The following FLACC1 variants were observed in gnomAD, a reference collection of about 807,000 sequenced individuals.
FLACC1 encodes the protein flagellum associated containing coiled-coil domains 1, also known as flagellum-associated coiled-coil domain-containing protein 1.
In FLACC1, 66 loss-of-function variants were observed where a neutral mutation model predicts 62.8. That is an observed-to-expected ratio of 1.05 (90% confidence interval 0.86 to 1.29). The LOEUF (loss-of-function observed/expected upper bound fraction) is 1.29, where lower values mean the gene tolerates loss of function less well. FLACC1 is among the 50% of genes most tolerant of loss of function. FLACC1 has a pLI of 0.00. For missense variants in FLACC1, 452 were observed against 489.1 expected, an observed-to-expected ratio of 0.92 and a Z score of 0.71; for synonymous variants, 156 against 161.0, an observed-to-expected ratio of 0.97 and a Z score of 0.24.
In FLACC1 at chr2:201,323,805, T is replaced by TAAA. The variant is rs1576447085; in HGVS notation, c.675+6664_675+6665insTTT. On this transcript the variant is annotated intron_variant, in intron 9 of 14. Coordinates refer to ENST00000392257, the MANE Select transcript of FLACC1 (RefSeq NM_001127391.3). ...CTATCAAAAAAAAAAAAAAAAAAAG[T>TAAA]AAGGAAGGAAGGAAGGAAAGAAAAG... Among the ~76,000 whole-genome samples, 32 of 79,358 alleles carry TAAA rather than the reference T, an allele frequency of 4.0e-4. 2 individuals carry two copies. The highest frequency in any genetic ancestry group is 3.7e-3 in the East Asian group (9 of 2,444). The allele number at this position is 79,358 out of a possible 152,430, so 52.1% of individuals were successfully genotyped here. A position where few individuals can be genotyped will look rare whatever the true frequency, so the allele number is the denominator to read the frequency against.
intron 8 of FLACC1, 29 bp downstream of exon 8, chr2:201,330,707 A>G (rs749504877): frequency 7.5e-5 from 121 of 1,608,622 alleles, no homozygotes; most frequent in Non-Finnish European, 9.9e-5. Context: ...ACCTTCATCC[A>G]GGGTCATTCT....
chr2:201,347,763 AC>A (rs1338690929), intron 4 of FLACC1, among the ~76,000 whole-genome samples: 2 of 152,182 alleles, frequency 1.3e-5, no homozygotes, highest in Non-Finnish European at 2.9e-5. Context: ...CCTGCGTCAG[AC>A]CAGTAAAGGC....
chr2:201,354,721 T>C (rs1213544152), intron 1 of FLACC1, among the ~76,000 whole-genome samples: 1 of 152,174 alleles, frequency 6.6e-6, no homozygotes, highest in Admixed American at 6.5e-5. Context: ...TGTATCTGCT[T>C]CCTGTACGAA....
chr2:201,323,806 A>C (rs1950451212), intron 9 of FLACC1, among the ~76,000 whole-genome samples: 1 of 96,786 alleles, frequency 1.0e-5, no homozygotes, highest in Admixed American at 8.9e-5. Context: ...AAAAAAAAGT[A>C]AGGAAGGAAG....
chr2:201,304,487 G>A (rs970596536), intron 11 of FLACC1, among the ~76,000 whole-genome samples: 3 of 152,086 alleles, frequency 2.0e-5, no homozygotes, highest in African/African-American at 4.8e-5. Flanking sequence ...AATCAATATC[G>A]TGAAAATGGC....
chr2:201,339,540 G>A (rs1950764150), intron 7 of FLACC1, among the ~76,000 whole-genome samples: 1 of 151,712 alleles, frequency 6.6e-6, no homozygotes, highest in Admixed American at 6.6e-5. Context: ...GGTGTTTATT[G>A]CTATAAACTT....
Position 201,309,270 on chromosome 2 carries a change from C to A in FLACC1, c.676-20G>T, listed in dbSNP as rs1342779208. On this transcript the variant is annotated intron_variant, in intron 9 of 14. Coordinates refer to ENST00000392257, the MANE Select transcript of FLACC1 (RefSeq NM_001127391.3). Reference sequence around the variant, plus strand: ...ACTGTCCTGGGGAGGTACAAAGGCACCATGAAGAAAAGAGTCCTAAAATGA... The same window carrying A: ...ACTGTCCTGGGGAGGTACAAAGGCAACATGAAGAAAAGAGTCCTAAAATGA... 5 of 1,581,622 alleles carry A rather than the reference C, an allele frequency of 3.2e-6. No homozygotes were observed. The highest frequency in any genetic ancestry group is 4.3e-6 in the Non-Finnish European group (5 of 1,151,642).
chr2:201,350,680 C>CAAAAA (rs1553617219), intron 3 of FLACC1, 31 bp downstream of exon 3: 1 of 476,254 alleles, frequency 2.1e-6, no homozygotes, highest in Non-Finnish European at 3.4e-6. Flanking sequence ...GACTCCATCT[C>CAAAAA]AAAAACAAAA....
chr2:201,341,314 C>A (rs2125608659), intron 7 of FLACC1, among the ~76,000 whole-genome samples: 1 of 151,610 alleles, frequency 6.6e-6, no homozygotes, highest in South Asian at 2.1e-4. Flanking sequence ...TTATCTTCAC[C>A]CATACACATA....
In FLACC1 at chr2:201,344,218, T is replaced by A. The variant is rs778287537; in HGVS notation, c.414A>T (p.Thr138=). The change falls in exon 6 of 15, where the codon ACA becomes ACT. Residue 138 remains threonine (T), a synonymous_variant. Transcript: ENST00000392257. ...CTCTGTTCATTTGTTCAATTATTGC[T>A]GTCAGCTCTGAGATTTGCTCTTCTA... is the stretch of plus-strand genomic sequence containing the variant. ...SDLEEQISEL[T]AIIEQMNRDH... 1.2e-6 allele frequency: 2 copies of A among 1,614,050 alleles called. No individual in the cohort carries two copies. Among genetic ancestry groups the A allele is most frequent in the Non-Finnish European group, 1.7e-6 (2 of 1,179,938 alleles).
At chr2:201,361,981 T>A (rs544306842), upstream of FLACC1, among the ~76,000 whole-genome samples, 1 of 152,374 alleles carries the variant, frequency 6.6e-6, no homozygotes, top group African/African-American at 2.4e-5. Flanking sequence ...CAGCATCTTT[T>A]CTGAATTTGC....
chr2:201,311,437 C>T (rs1414098043), intron 9 of FLACC1, among the ~76,000 whole-genome samples: 1 of 152,080 alleles, frequency 6.6e-6, no homozygotes, highest in Admixed American at 6.6e-5. Flanking sequence ...AAAGTTAATT[C>T]ATGGCCAGGC....
chr2:201,302,120 A>AT (rs1949997838), intron 11 of FLACC1, among the ~76,000 whole-genome samples: 1 of 152,256 alleles, frequency 6.6e-6, no homozygotes, highest in South Asian at 2.1e-4. Context: ...AAATGCTCCA[A>AT]TTAAAAGACA....
intron 9 of FLACC1, among the ~76,000 whole-genome samples, chr2:201,315,543 C>T (rs548636778): frequency 6.6e-6 from 1 of 152,168 alleles, no homozygotes; most frequent in East Asian, 1.9e-4. Flanking sequence ...CTGGAGCTCC[C>T]AAATTTATAA....
At chr2:201,314,203 A>G (rs1222666859) in intron 9 of FLACC1, among the ~76,000 whole-genome samples, 1 of 152,184 alleles carries the variant, frequency 6.6e-6, no homozygotes, top group Non-Finnish European at 1.5e-5. Context: ...ATGTGGATCT[A>G]AACCAAGAAG....
chr2:201,307,686 C>A (rs1249154902), intron 10 of FLACC1, 64 bp from the exon 11 acceptor site: 3 of 1,146,890 alleles, frequency 2.6e-6, no homozygotes, highest in Non-Finnish European at 4.0e-6. Flanking sequence ...CAATGAGAAA[C>A]CCAGAATATC....
chr2:201,351,305 T>C lies in FLACC1; in HGVS notation c.100A>G (p.Thr34Ala). 6.2e-7 allele frequency: 1 copy of C among 1,612,216 alleles called. No individual in the cohort carries two copies. Among genetic ancestry groups the C allele is most frequent in the Non-Finnish European group, 8.5e-7 (1 of 1,178,240 alleles). ...GATAATTCTTACTTGGAACTCCCTG[T>C]GGAGTTCTTGCGTGGTAGTTGAGGG... ...KTPQLPRKNS[T>A]GSSKLTPLVP... is the part of the protein sequence containing the mutation. The change falls in exon 2 of 15, where the codon ACA becomes GCA. Residue 34 changes from threonine to alanine, a missense_variant. Thr to Ala is a moderately conservative substitution (Grantham distance 58). Around this residue, in one of 3 missense-constraint regions of FLACC1, gnomAD observed 147 missense variants for 152.7 expected, o/e 0.96. Transcript: ENST00000392257.
At chr2:201,358,856 G>T (rs1337541154), upstream of FLACC1, among the ~76,000 whole-genome samples, 5 of 152,172 alleles carry the variant, frequency 3.3e-5, no homozygotes, top group African/African-American at 1.2e-4. Context: ...TCACCATGCA[G>T]CCACAATGAC....
chr2:201,289,181 C>A (rs1949666998), intron 14 of FLACC1, among the ~76,000 whole-genome samples: 1 of 152,124 alleles, frequency 6.6e-6, no homozygotes, highest in Non-Finnish European at 1.5e-5. Context: ...TAGAACTGAG[C>A]AAACTCAGAA....
Sources: gnomAD v4.1 joint callset for allele counts (sites outside exome capture counted in the v4.1 genomes callset) on GRCh38, gnomAD v4.1.1 for gene constraint, gnomAD v4.1.1 regional missense constraint, MANE v1.5 for transcripts, NCBI Gene and HGNC (gene_info 2026-07-23, HGNC 2026-07-21) for gene names.